The following HDAC9 variants were observed in gnomAD, a reference collection of about 807,000 sequenced individuals.
The protein encoded by HDAC9 is MEF-2 interacting transcription repressor (MITR) protein.
Under a neutral mutation model 139.4 loss-of-function variants are expected in HDAC9, and 41 were observed. The observed-to-expected ratio is 0.29, with a 90% CI of 0.23 to 0.38. The LOEUF (loss-of-function observed/expected upper bound fraction) is 0.38. HDAC9 is among the 10% of genes least tolerant of loss of function. HDAC9 has a pLI of 1.00. For missense variants in HDAC9, 1,147 were observed against 1,297.0 expected, an observed-to-expected ratio of 0.88 and a Z score of 1.78; for synonymous variants, 517 against 476.2, an observed-to-expected ratio of 1.09 and a Z score of -1.12.
chr7:18,342,594 A>G (rs1430760986), intron 1 of HDAC9, among the ~76,000 whole-genome samples: 2 of 151,866 alleles, frequency 1.3e-5, no homozygotes, highest in African/African-American at 4.8e-5. Context: ...AAGAAGGCTA[A>G]TTACCTCTCT....
At chr7:18,325,323 C>G (rs1298544444) in intron 1 of HDAC9, among the ~76,000 whole-genome samples, 2 of 151,990 alleles carry the variant, frequency 1.3e-5, no homozygotes, top group South Asian at 2.1e-4. Flanking sequence ...TTCAATTTCC[C>G]CAGTTGACAT....
At chr7:18,137,230 T>A (rs1479488523) in intron 1 of HDAC9, among the ~76,000 whole-genome samples, 1 of 106,476 alleles carries the variant, frequency 9.4e-6, no homozygotes, top group Non-Finnish European at 1.8e-5. Context: ...TTTCTAGATA[T>A]ACAATCATGT....
chr7:18,176,640 G>A (rs1039400494), intron 2 of HDAC9, among the ~76,000 whole-genome samples: 3 of 152,002 alleles, frequency 2.0e-5, no homozygotes, highest in Non-Finnish European at 2.9e-5. Context: ...AATTCTGTTT[G>A]GGTAATTTTT....
At chr7:18,752,967 G>A (rs1056730707) in intron 14 of HDAC9, among the ~76,000 whole-genome samples, 10 of 152,088 alleles carry the variant, frequency 6.6e-5, no homozygotes, top group South Asian at 2.1e-4. Context: ...AGAGAATCTC[G>A]TTGCTAACAT....
intron 22 of HDAC9, among the ~76,000 whole-genome samples, chr7:18,887,390 A>G (rs958837978): frequency 2.0e-5 from 3 of 152,146 alleles, no homozygotes; most frequent in African/African-American, 7.2e-5. Flanking sequence ...AGGAAACAGG[A>G]TTTGGAATCG....
intron 2 of HDAC9, among the ~76,000 whole-genome samples, chr7:18,554,889 G>C (rs539981000): frequency 6.6e-6 from 1 of 152,118 alleles, no homozygotes; most frequent in African/African-American, 2.4e-5. Context: ...ATCTGTTAAG[G>C]GTCCTTTCTA....
intron 1 of HDAC9, among the ~76,000 whole-genome samples, chr7:18,387,752 G>T (rs1368048316): frequency 3.9e-5 from 6 of 152,162 alleles, no homozygotes; most frequent in Admixed American, 3.9e-4. Context: ...ATAGGGATAA[G>T]CGAATAAAAC....
intron 6 of HDAC9, among the ~76,000 whole-genome samples, chr7:18,626,073 G>T (rs1182283136): frequency 6.6e-6 from 1 of 151,528 alleles, no homozygotes; most frequent in Non-Finnish European, 1.5e-5. Context: ...AAGGAAGTTA[G>T]TAAGGTTAAA....
chr7:18,306,341 T>C (rs549088921), intron 1 of HDAC9, among the ~76,000 whole-genome samples: 2 of 152,282 alleles, frequency 1.3e-5, no homozygotes, highest in South Asian at 4.1e-4. Context: ...TAGAAGTCAA[T>C]GTCTGGCCAG....
At chr7:18,685,767 C>T (rs1782226105) in intron 12 of HDAC9, among the ~76,000 whole-genome samples, 1 of 151,724 alleles carries the variant, frequency 6.6e-6, no homozygotes. Context: ...TTTTGATATT[C>T]CTCAGGAATG....
chr7:18,244,679 T>G (rs1794399844), intron 2 of HDAC9, among the ~76,000 whole-genome samples: 1 of 152,092 alleles, frequency 6.6e-6, no homozygotes, highest in Admixed American at 6.5e-5. Flanking sequence ...GCGCCTGTAG[T>G]CCCAGCTACT....
In HDAC9 at chr7:18,666,325, G is replaced by A. The variant is rs1291313539; in HGVS notation, c.1580G>A (p.Gly527Asp). 4 of 1,613,270 alleles carry A rather than the reference G, an allele frequency of 2.5e-6. No homozygotes were observed. Among genetic ancestry groups the A allele is most frequent in the Middle Eastern group, 3.3e-4 (2 of 6,076 alleles). ...AMQEDRAPSS[G>D]NSTRSDSSAC... is the part of the protein sequence containing the mutation. ...CAGGAAGACAGAGCGCCCTCTAGTG[G>A]CAACAGCACTAGGAGCGACAGCAGT... Residue 527 changes from glycine (G) to aspartate (D), a missense_variant, in exon 12 of 26, where the codon GGC becomes GAC. Physicochemically the swap from Gly to Asp is moderately conservative, Grantham distance 94. Around this residue, in one of 7 missense-constraint regions of HDAC9, gnomAD observed 256 missense variants for 219.2 expected, o/e 1.17. Coordinates refer to ENST00000686413, the MANE Select transcript of HDAC9 (RefSeq NM_178425.4).
Position 18,998,867 on chromosome 7 carries a change from T to A in HDAC9, c.*2805T>A, listed in dbSNP as rs910417501. ...CTAGTAAATAATACTAGGAATTTAA[T>A]AAGCTGTCAAACGTAGGTATAAAAA... On this transcript the variant is annotated 3_prime_UTR_variant, in exon 26 of 26. Transcript: ENST00000686413. 1.3e-5 allele frequency: 2 copies of A among 152,214 alleles called. No homozygotes were observed. Among genetic ancestry groups the A allele is most frequent in the African/African-American group, 4.8e-5 (2 of 41,456 alleles). The allele number at this position is 152,214 out of a possible 1,614,324, so 9.4% of individuals were successfully genotyped here. A position where few individuals can be genotyped will look rare whatever the true frequency, so the allele number is the denominator to read the frequency against.
intron 2 of HDAC9, among the ~76,000 whole-genome samples, chr7:18,188,365 CTT>C (rs771885521): frequency 1.3e-5 from 2 of 152,174 alleles, no homozygotes; most frequent in Non-Finnish European, 2.9e-5. Context: ...GGATTAAAGA[CTT>C]AAATGTAAAA....
intron 2 of HDAC9, among the ~76,000 whole-genome samples, chr7:18,193,255 A>T (rs931146439): frequency 4.6e-5 from 7 of 152,188 alleles, no homozygotes; most frequent in African/African-American, 1.7e-4. Context: ...AGTCAGATGA[A>T]AAGGTGGAAC....
chr7:18,739,361 CA>C (rs377303792), intron 13 of HDAC9, among the ~76,000 whole-genome samples: 278 of 152,318 alleles, frequency 1.8e-3, no homozygotes, highest in African/African-American at 6.4e-3. Context: ...TTAGAATTTT[CA>C]GCTTTTCTGC....
intron 19 of HDAC9, 142 bp from the exon 20 acceptor site, chr7:18,835,325 G>C (rs116312530): frequency 2.2e-6 from 2 of 922,148 alleles, no homozygotes; most frequent in South Asian, 2.0e-5. Flanking sequence ...GGCTGAAAGG[G>C]AGAAAGAAAA....
chr7:18,350,016 A>G (rs1432291833), intron 1 of HDAC9, among the ~76,000 whole-genome samples: 1 of 152,146 alleles, frequency 6.6e-6, no homozygotes, highest in Admixed American at 6.6e-5. Flanking sequence ...TAATAGTAGT[A>G]TATAAGCATG....
chr7:18,206,142 A>G (rs541318000), intron 2 of HDAC9, among the ~76,000 whole-genome samples: 18 of 152,300 alleles, frequency 1.2e-4, no homozygotes, highest in South Asian at 4.1e-4. Context: ...ATGGAAAACA[A>G]TCTGTGTTTT....
Sources: allele counts gnomAD v4.1 joint callset (sites outside exome capture counted in the v4.1 genomes callset), GRCh38; gene constraint gnomAD v4.1.1; regional missense constraint gnomAD v4.1.1; transcripts MANE v1.5; gene names NCBI Gene and HGNC (gene_info 2026-07-23, HGNC 2026-07-21).